Variants in IL1RAPL1 observed in about 807,000 individuals in gnomAD.
IL1RAPL1 encodes interleukin 1 receptor accessory protein like 1, also known as interleukin-1 receptor accessory protein-like 1.
A neutral mutation model predicts 48.4 loss-of-function variants in IL1RAPL1; 3 were observed. That is an observed-to-expected ratio of 0.06 (90% CI 0.03 to 0.16). The LOEUF is 0.16. Ranked by LOEUF, IL1RAPL1 falls within the 10% of genes least tolerant of loss-of-function variation. The pLI is 1.00. For synonymous variants in IL1RAPL1, 185 were observed against 187.7 expected, an observed-to-expected ratio of 0.99 and a Z score of 0.12; for missense variants, 349 against 530.6, an observed-to-expected ratio of 0.66 and a Z score of 3.36.
chrX:29,558,554 C>G (rs1922082220), intron 5 of IL1RAPL1, among the ~76,000 whole-genome samples: 1 of 111,673 alleles, frequency 9.0e-6, no homozygotes, highest in Admixed American at 9.5e-5. Context: ...CACAATCCCA[C>G]CTGTTTATTT....
At chrX:29,780,502 A>G (rs1412081087) in intron 6 of IL1RAPL1, among the ~76,000 whole-genome samples, 1 of 111,011 alleles carries the variant, frequency 9.0e-6, no homozygotes, top group Non-Finnish European at 1.9e-5. Context: ...CCTCCATTCT[A>G]CCCTCAGCCT....
chrX:28,665,820 C>A (rs182935195), intron 1 of IL1RAPL1, among the ~76,000 whole-genome samples: 2 of 112,103 alleles, frequency 1.8e-5, no homozygotes, highest in East Asian at 2.8e-4. Context: ...CAGCAAAGAT[C>A]ATTTGAAACA....
intron 5 of IL1RAPL1, among the ~76,000 whole-genome samples, chrX:29,526,890 A>G (rs765863349): frequency 4.5e-5 from 5 of 111,896 alleles, no homozygotes. Context: ...ATGCTTTGCT[A>G]TATGGAGCTA....
chrX:28,661,371 G>A (rs975564521), intron 1 of IL1RAPL1, among the ~76,000 whole-genome samples: 5 of 107,835 alleles, frequency 4.6e-5, no homozygotes, highest in African/African-American at 1.7e-4. Flanking sequence ...ATATACATGT[G>A]CATTGACAAG....
intron 5 of IL1RAPL1, among the ~76,000 whole-genome samples, chrX:29,559,948 GTAT>G (rs1193735939): frequency 9.0e-6 from 1 of 111,523 alleles, no homozygotes; most frequent in African/African-American, 3.2e-5. Flanking sequence ...CACTATTACA[GTAT>G]TATTCTGAAT....
rs1921711209 is a variant in IL1RAPL1 at position 29,548,733 on chromosome X, T to C, written c.704-119697T>C. Among the ~76,000 whole-genome samples, 6 of 111,935 alleles carry C rather than the reference T, an allele frequency of 5.4e-5. No individual in the cohort carries two copies. In the Admixed American group the frequency reaches 5.7e-4, roughly 11 times the overall value. ...AAAAATAAATTCACTTTCGTTATTT[T>C]AAAGCAAGTCAACAAAATAAAATTA... On this transcript the variant is annotated intron_variant, in intron 5 of 10. Transcript: ENST00000378993.
intron 2 of IL1RAPL1, among the ~76,000 whole-genome samples, chrX:29,197,633 G>A (rs1335602811): frequency 9.2e-6 from 1 of 109,149 alleles, no homozygotes; most frequent in African/African-American, 3.4e-5. Flanking sequence ...AATTTAGACT[G>A]TTATTTAAAT....
chrX:29,710,596 ATG>A (rs753193268), intron 6 of IL1RAPL1, among the ~76,000 whole-genome samples: 5 of 104,581 alleles, frequency 4.8e-5, no homozygotes, highest in South Asian at 8.3e-4. Flanking sequence ...ACATACATAT[ATG>A]TGTGTGTGTA....
chrX:29,950,678 T>C (rs1182434255), intron 9 of IL1RAPL1, among the ~76,000 whole-genome samples: 3 of 104,326 alleles, frequency 2.9e-5, no homozygotes, highest in Non-Finnish European at 5.9e-5. Context: ...GCCTTTTTTT[T>C]TTTTTTCTTT....
intron 6 of IL1RAPL1, among the ~76,000 whole-genome samples, chrX:29,769,632 TTTG>T (rs1929007874): frequency 1.1e-5 from 1 of 91,540 alleles, no homozygotes. Flanking sequence ...TTTTTTTTTT[TTTG>T]AGATGGAGCC....
intron 2 of IL1RAPL1, among the ~76,000 whole-genome samples, chrX:28,962,852 A>T (rs1239236748): frequency 9.5e-6 from 1 of 105,666 alleles, no homozygotes; most frequent in Non-Finnish European, 1.9e-5. Flanking sequence ...TCCCCTGTGG[A>T]TACTGAGAGA....
intron 2 of IL1RAPL1, among the ~76,000 whole-genome samples, chrX:29,203,180 A>G (rs1930590698): frequency 9.0e-6 from 1 of 110,984 alleles, no homozygotes; most frequent in Non-Finnish European, 1.9e-5. Context: ...ATGTGATTGG[A>G]CCATCTATAT....
intron 6 of IL1RAPL1, among the ~76,000 whole-genome samples, chrX:29,858,114 C>G (rs1237851362): frequency 2.7e-5 from 3 of 110,983 alleles, no homozygotes; most frequent in Non-Finnish European, 3.8e-5. Flanking sequence ...ATTGTGCCAC[C>G]CTTCAACCTC....
intron 2 of IL1RAPL1, among the ~76,000 whole-genome samples, chrX:28,974,467 A>G (rs1282218354): frequency 8.9e-6 from 1 of 112,173 alleles, no homozygotes; most frequent in Non-Finnish European, 1.9e-5. Context: ...TGACAGAGTT[A>G]TAAAAATTGA....
At chrX:29,608,548 C>T (rs764040669) in intron 5 of IL1RAPL1, among the ~76,000 whole-genome samples, 16 of 111,259 alleles carry the variant, frequency 1.4e-4, no homozygotes, top group South Asian at 7.6e-4. Context: ...AGGAGGAGGC[C>T]GGGCGCGGTG....
chrX:28,735,796 T>G (rs1034151434), intron 1 of IL1RAPL1, among the ~76,000 whole-genome samples: 2 of 110,789 alleles, frequency 1.8e-5, no homozygotes, highest in African/African-American at 6.6e-5. Flanking sequence ...AAAAAAAAAT[T>G]AGAATCTTAG....
chrX:28,589,670 C>T (rs1011214855), intron 1 of IL1RAPL1, among the ~76,000 whole-genome samples: 1 of 111,298 alleles, frequency 9.0e-6, no homozygotes, highest in African/African-American at 3.3e-5. Flanking sequence ...TGACTGTGAA[C>T]GGAATGAATA....
rs191191898 is a variant in IL1RAPL1 at position 29,528,983 on chromosome X, C to T, written c.703+129675C>T. Among the ~76,000 whole-genome samples the T allele has an allele frequency of 9.9e-5, 11 of 111,197 alleles. No individual in the cohort carries two copies. In the East Asian group the frequency reaches 2.8e-3, roughly 29 times the overall value. On this transcript the variant is annotated intron_variant, in intron 5 of 10. Coordinates refer to ENST00000378993, the MANE Select transcript of IL1RAPL1 (RefSeq NM_014271.4). ...ATGCAATACTCTTGGCAGGATATAA[C>T]ACCACTGAGAAGGATATGACAGCAC... is the stretch of plus-strand genomic sequence containing the variant.
At chrX:29,753,958 G>A (rs1057157472) in intron 6 of IL1RAPL1, among the ~76,000 whole-genome samples, 17 of 111,851 alleles carry the variant, frequency 1.5e-4, no homozygotes, top group African/African-American at 5.2e-4. Context: ...GTCCTCTTGA[G>A]ATGCTGTACC....
Sources: gnomAD v4.1 joint callset for allele counts (sites outside exome capture counted in the v4.1 genomes callset) on GRCh38, gnomAD v4.1.1 for gene constraint, MANE v1.5 for transcripts, NCBI Gene and HGNC (gene_info 2026-07-23, HGNC 2026-07-21) for gene names.